The following EYS variants were observed in gnomAD, a reference collection of about 807,000 sequenced individuals.
EYS encodes EGF-like photoreceptor maintenance factor, also known as protein eyes shut homolog.
A neutral mutation model predicts 282.1 loss-of-function variants in EYS; 250 were observed. The ratio of observed to expected loss-of-function variants is 0.89; its 90% confidence interval spans 0.80 to 0.98. EYS has a LOEUF of 0.98. EYS is among the 50% of genes least tolerant of loss of function. The pLI is 0.00. For synonymous variants in EYS, 1,355 were observed against 1,282.9 expected (o/e 1.06, Z -1.20); for missense variants, 4,016 against 3,709.0 (o/e 1.08, Z -2.15).
intron 12 of EYS, among the ~76,000 whole-genome samples, chr6:65,114,959 A>G (rs1219400517): frequency 2.0e-5 from 3 of 151,998 alleles, no homozygotes; most frequent in Admixed American, 2.0e-4. Context: ...ACTAAAGTTC[A>G]TGTTATCTTT....
intron 19 of EYS, among the ~76,000 whole-genome samples, chr6:64,874,613 G>A (rs146619311): frequency 0.014 from 2,115 of 152,086 alleles, 30 homozygotes; most frequent in Middle Eastern, 0.031. Flanking sequence ...AGGAGCTCGG[G>A]ACATGAAATC....
chr6:64,024,003 T>C (rs1769340131), intron 33 of EYS, among the ~76,000 whole-genome samples: 1 of 152,170 alleles, frequency 6.6e-6, no homozygotes, highest in Admixed American at 6.5e-5. Context: ...CAGCTCGCCA[T>C]GCCTGAGCCT....
chr6:64,170,296 A>G (rs1764439952), intron 31 of EYS, among the ~76,000 whole-genome samples: 1 of 152,222 alleles, frequency 6.6e-6, no homozygotes, highest in African/African-American at 2.4e-5. Context: ...AACACAATGT[A>G]TCCCCTAAGC....
chr6:65,122,448 T>C (rs560158112), intron 12 of EYS, among the ~76,000 whole-genome samples: 2 of 152,100 alleles, frequency 1.3e-5, no homozygotes, highest in Admixed American at 1.3e-4. Context: ...GAAGAGCGTG[T>C]CAATGAGAAA....
At chr6:65,077,662 G>T (rs539418439) in intron 12 of EYS, among the ~76,000 whole-genome samples, 3 of 152,098 alleles carry the variant, frequency 2.0e-5, no homozygotes, top group East Asian at 3.9e-4. Flanking sequence ...ATAGTCAAAA[G>T]CCTTCCTTTT....
At chr6:64,394,172 G>A (rs1471983284) in intron 28 of EYS, among the ~76,000 whole-genome samples, 3 of 152,160 alleles carry the variant, frequency 2.0e-5, no homozygotes, top group African/African-American at 2.4e-5. Context: ...CTCATGGGTA[G>A]GAAGAATCAA....
At chr6:63,976,392 A>C (rs909535380) in intron 35 of EYS, among the ~76,000 whole-genome samples, 1 of 152,044 alleles carries the variant, frequency 6.6e-6, no homozygotes, top group African/African-American at 2.4e-5. Flanking sequence ...TCTGTTGTTG[A>C]CTGAAACATT....
At chr6:65,160,533 G>A (rs1002122670) in intron 12 of EYS, among the ~76,000 whole-genome samples, 1 of 150,590 alleles carries the variant, frequency 6.6e-6, no homozygotes, top group African/African-American at 2.4e-5. Flanking sequence ...TGACTACTTG[G>A]CATTGTTGGC....
chr6:65,278,355 T>TAA (rs1489309530), intron 12 of EYS, among the ~76,000 whole-genome samples: 1 of 143,094 alleles, frequency 7.0e-6, no homozygotes, highest in Non-Finnish European at 1.5e-5. Flanking sequence ...ATATTCTATA[T>TAA]ATAGAATATA....
At chr6:64,055,975 G>C (rs1761420079) in intron 33 of EYS, among the ~76,000 whole-genome samples, 1 of 152,090 alleles carries the variant, frequency 6.6e-6, no homozygotes, top group African/African-American at 2.4e-5. Flanking sequence ...GAATACTGTG[G>C]TATGCTGCCC....
At chr6:64,140,215 A>G (rs1321249796) in intron 31 of EYS, among the ~76,000 whole-genome samples, 1 of 152,184 alleles carries the variant, frequency 6.6e-6, no homozygotes, top group Non-Finnish European at 1.5e-5. Flanking sequence ...GAATGTTTAT[A>G]TTGATTAATA....
intron 22 of EYS, among the ~76,000 whole-genome samples, chr6:64,680,056 G>A (rs913878302): frequency 1.3e-5 from 2 of 151,742 alleles, no homozygotes; most frequent in African/African-American, 4.8e-5. Flanking sequence ...TTAAAATAAA[G>A]GAATTATTTT....
At chr6:64,967,869 T>G (rs1186344848) in intron 14 of EYS, among the ~76,000 whole-genome samples, 1 of 152,198 alleles carries the variant, frequency 6.6e-6, no homozygotes, top group African/African-American at 2.4e-5. Context: ...TTGTATAATA[T>G]TTGTTGTATG....
intron 31 of EYS, among the ~76,000 whole-genome samples, chr6:64,222,293 C>A (rs1317923858): frequency 1.3e-5 from 2 of 151,662 alleles, no homozygotes; most frequent in African/African-American, 2.4e-5. Flanking sequence ...CATATAAATT[C>A]TTAAATTAAG....
chr6:63,931,721 A>G (rs1764900566), intron 35 of EYS, among the ~76,000 whole-genome samples: 1 of 152,214 alleles, frequency 6.6e-6, no homozygotes, highest in African/African-American at 2.4e-5. Context: ...TAAGGATCAC[A>G]TCAGGGTAAT....
rs1157712956 is a variant in EYS, at chr6:64,802,017, C to CTTTTTTT, written c.3443+11360_3443+11361insAAAAAAA. ...GTTATAAGAGAGTTATAACAAATTT[C>CTTTTTTT]TTTTTCTTTTTTTTTCTTTTTTTTT... is the stretch of plus-strand genomic sequence containing the variant. On this transcript the variant is annotated intron_variant, in intron 22 of 42. Coordinates refer to ENST00000503581, the MANE Select transcript of EYS (RefSeq NM_001142800.2). Among the ~76,000 whole-genome samples the CTTTTTTT allele has an allele frequency of 1.1e-3, 66 of 57,638 alleles. 8 individuals are homozygous for CTTTTTTT. The highest frequency in any genetic ancestry group is 1.7e-3 in the Non-Finnish European group (47 of 27,590). 37.8% of individuals were successfully genotyped at this position (57,638 alleles called of 152,430 possible). A position where few individuals can be genotyped will look rare whatever the true frequency, so the allele number is the denominator to read the frequency against.
At chr6:64,362,568 T>C (rs1279599099) in intron 29 of EYS, among the ~76,000 whole-genome samples, 3 of 151,932 alleles carry the variant, frequency 2.0e-5, no homozygotes, top group South Asian at 2.1e-4. Flanking sequence ...TGTGATATTA[T>C]CTCAAGATAC....
intron 28 of EYS, among the ~76,000 whole-genome samples, chr6:64,429,919 T>A (rs996001401): frequency 2.0e-5 from 3 of 152,214 alleles, no homozygotes; most frequent in Non-Finnish European, 4.4e-5. Flanking sequence ...ATGGTCATGT[T>A]TTTCTTGACA....
chr6:64,105,719 T>G (rs1044238545), intron 31 of EYS, among the ~76,000 whole-genome samples: 1 of 152,122 alleles, frequency 6.6e-6, no homozygotes, highest in African/African-American at 2.4e-5. Flanking sequence ...CTTCTTCCAT[T>G]TAATAACATT....
Sources: gnomAD v4.1 joint callset for allele counts (sites outside exome capture counted in the v4.1 genomes callset) on GRCh38, gnomAD v4.1.1 for gene constraint, MANE v1.5 for transcripts, NCBI Gene and HGNC (gene_info 2026-07-23, HGNC 2026-07-21) for gene names.